Variants in MIPOL1 observed in about 807,000 individuals in gnomAD.
MIPOL1 encodes mirror-image polydactyly 1.
MIPOL1 carries 57 observed loss-of-function variants against 60.9 expected under a neutral mutation model. The observed-to-expected ratio is 0.94, with a 90% CI of 0.76 to 1.17. The LOEUF (loss-of-function observed/expected upper bound fraction) is 1.17. MIPOL1 is among the 50% of genes most tolerant of loss of function. MIPOL1 has a pLI of 0.00. For missense variants in MIPOL1, 551 were observed against 511.6 expected (o/e 1.08, Z -0.74); for synonymous variants, 179 against 168.8 (o/e 1.06, Z -0.47).
At chr14:37,381,910 T>A in intron 10 of MIPOL1, among the ~76,000 whole-genome samples, 1 of 152,066 alleles carries the variant, frequency 6.6e-6, no homozygotes, top group South Asian at 2.1e-4. Flanking sequence ...TATCTTACTC[T>A]GAATTTGAAA....
At chr14:37,450,095 G>A (rs868527610) in intron 11 of MIPOL1, among the ~76,000 whole-genome samples, 108 of 152,256 alleles carry the variant, frequency 7.1e-4, no homozygotes, top group African/African-American at 2.5e-3. Context: ...TTACAGGCCT[G>A]AGCCACCGTG....
intron 12 of MIPOL1, chr14:37,523,458 G>GTTT: frequency 1.1e-5 from 4 of 353,426 alleles, no homozygotes; most frequent in Admixed American, 4.8e-5. Flanking sequence ...AAATATTAGA[G>GTTT]TTTTTTTTTT....
intron 10 of MIPOL1, among the ~76,000 whole-genome samples, chr14:37,414,404 G>A (rs1476565796): frequency 6.6e-6 from 1 of 152,070 alleles, no homozygotes. Flanking sequence ...ACAGCATATT[G>A]GAATTTAAAT....
At chr14:37,429,606 C>T (rs1023125886) in intron 11 of MIPOL1, among the ~76,000 whole-genome samples, 2 of 151,984 alleles carry the variant, frequency 1.3e-5, no homozygotes, top group Admixed American at 6.6e-5. Context: ...AACATTAACC[C>T]TACTTACTGG....
intron 9 of MIPOL1, among the ~76,000 whole-genome samples, chr14:37,310,952 A>G (rs1357802394): frequency 6.6e-6 from 1 of 152,140 alleles, no homozygotes; most frequent in East Asian, 1.9e-4. Context: ...ACAAGTCTCA[A>G]ATCTCCATTT....
intron 1 of MIPOL1, among the ~76,000 whole-genome samples, chr14:37,214,297 A>G (rs1396618350): frequency 1.3e-5 from 2 of 152,248 alleles, no homozygotes; most frequent in African/African-American, 2.4e-5. Flanking sequence ...CATAAGATGT[A>G]AATAGAAACA....
intron 1 of MIPOL1, among the ~76,000 whole-genome samples, chr14:37,237,390 T>A (rs1232252420): frequency 6.6e-6 from 1 of 152,146 alleles, no homozygotes; most frequent in Non-Finnish European, 1.5e-5. Flanking sequence ...AATAAAGCCA[T>A]ATAATACTGT....
intron 10 of MIPOL1, among the ~76,000 whole-genome samples, chr14:37,396,267 A>G (rs1172101247): frequency 1.3e-5 from 2 of 152,016 alleles, no homozygotes; most frequent in East Asian, 3.9e-4. Context: ...TTCTTGGCTG[A>G]TAATTGTTTT....
At chr14:37,215,819 G>A (rs1297904309) in intron 1 of MIPOL1, among the ~76,000 whole-genome samples, 2 of 152,148 alleles carry the variant, frequency 1.3e-5, no homozygotes, top group Non-Finnish European at 2.9e-5. Context: ...TGTAATCCAA[G>A]CATGTTGGGA....
intron 9 of MIPOL1, among the ~76,000 whole-genome samples, chr14:37,321,204 A>C (rs186368910): frequency 2.0e-4 from 31 of 152,012 alleles, no homozygotes; most frequent in Non-Finnish European, 3.7e-4. Context: ...TGATCTTTTC[A>C]TGAAAATGAT....
chr14:37,317,038 T>G (rs1414927111), intron 9 of MIPOL1, among the ~76,000 whole-genome samples: 1 of 151,938 alleles, frequency 6.6e-6, no homozygotes, highest in Non-Finnish European at 1.5e-5. Context: ...AGTAGATGAG[T>G]AAATTGATAG....
chr14:37,394,082 A>ATATATC (rs1461974156), intron 10 of MIPOL1, among the ~76,000 whole-genome samples: 1 of 136,332 alleles, frequency 7.3e-6, no homozygotes, highest in African/African-American at 2.7e-5. Flanking sequence ...ATATATATAT[A>ATATATC]TATCTCCATG....
At chr14:37,373,147 G>C (rs759077011) in intron 10 of MIPOL1, among the ~76,000 whole-genome samples, 3 of 151,976 alleles carry the variant, frequency 2.0e-5, no homozygotes, top group Non-Finnish European at 4.4e-5. Context: ...GAGATTACAG[G>C]CATGCACCAC....
intron 1 of MIPOL1, among the ~76,000 whole-genome samples, chr14:37,232,647 T>C (rs1970815028): frequency 6.6e-6 from 1 of 152,234 alleles, no homozygotes; most frequent in Non-Finnish European, 1.5e-5. Context: ...CTTTCAGCAA[T>C]ACTTGTACCT....
At chr14:37,419,387 G>A (rs578122021) in intron 10 of MIPOL1, among the ~76,000 whole-genome samples, 2 of 152,236 alleles carry the variant, frequency 1.3e-5, no homozygotes, top group East Asian at 1.9e-4. Flanking sequence ...GGACCATTTG[G>A]GGGTAACAAG....
intron 9 of MIPOL1, among the ~76,000 whole-genome samples, chr14:37,344,090 T>C (rs191079187): frequency 1.4e-3 from 206 of 152,264 alleles, no homozygotes; most frequent in African/African-American, 4.9e-3. Context: ...AAAGCATAAC[T>C]ACAGTATCAT....
chr14:37,437,405 A>G (rs2094178235), intron 11 of MIPOL1, among the ~76,000 whole-genome samples: 2 of 6,712 alleles, frequency 3.0e-4, no homozygotes, highest in Non-Finnish European at 0.01. Flanking sequence ...CTAAACTATA[A>G]AAAATAAAAA....
chr14:37,390,862 A>G (rs1333277260), intron 10 of MIPOL1, among the ~76,000 whole-genome samples: 2 of 152,008 alleles, frequency 1.3e-5, no homozygotes, highest in East Asian at 3.9e-4. Context: ...GCAGAAGTTG[A>G]CAAGATAGTA....
rs905216822 is a variant in MIPOL1, at chr14:37,437,583, C to A, written c.1031+14634C>A. On this transcript the variant is annotated intron_variant, in intron 11 of 12. Transcript: ENST00000684589. Reference sequence around the variant, plus strand: ...TTTTCACTTGTAAAACTTTTGTTTTCCATTCATTCTTTTGTATGATACAGT... The same window carrying A: ...TTTTCACTTGTAAAACTTTTGTTTTACATTCATTCTTTTGTATGATACAGT... Among the ~76,000 whole-genome samples the A allele has an allele frequency of 2.6e-5, 4 of 152,130 alleles. No homozygotes were observed. The South Asian group carries it at 8.3e-4, about 32-fold the overall frequency.
Sources: gnomAD v4.1 joint callset for allele counts (sites outside exome capture counted in the v4.1 genomes callset) on GRCh38, gnomAD v4.1.1 for gene constraint, MANE v1.5 for transcripts, NCBI Gene and HGNC (gene_info 2026-07-23, HGNC 2026-07-21) for gene names.